Variants in PTPRM observed in about 807,000 individuals in gnomAD.
The protein encoded by PTPRM is protein tyrosine phosphatase receptor type M.
A neutral mutation model predicts 186.7 loss-of-function variants in PTPRM; 47 were observed. The ratio of observed to expected loss-of-function variants is 0.25; its 90% CI spans 0.20 to 0.32. PTPRM has a LOEUF of 0.32. PTPRM is among the 10% of genes least tolerant of loss of function. PTPRM has a pLI of 1.00. For missense variants in PTPRM, 1,494 were observed against 1,865.0 expected, an observed-to-expected ratio of 0.80 and a Z score of 3.66; for synonymous variants, 668 against 674.9, an observed-to-expected ratio of 0.99 and a Z score of 0.16.
intron 19 of PTPRM, among the ~76,000 whole-genome samples, chr18:8,266,236 T>C (rs2094698884): frequency 6.6e-6 from 1 of 152,132 alleles, no homozygotes; most frequent in South Asian, 2.1e-4. Flanking sequence ...AATGTGGTTA[T>C]GATTCCATGA....
At chr18:7,793,084 A>G (rs1281624231) in intron 2 of PTPRM, among the ~76,000 whole-genome samples, 1 of 152,250 alleles carries the variant, frequency 6.6e-6, no homozygotes, top group Non-Finnish European at 1.5e-5. Flanking sequence ...TGGATATTTC[A>G]ACTTGGAGAT....
intron 5 of PTPRM, chr18:7,946,927 G>A (rs1349065342): frequency 2.2e-6 from 1 of 456,254 alleles, no homozygotes; most frequent in Admixed American, 2.3e-5. Flanking sequence ...GCCTAGCCCA[G>A]CCCCTTCTTT....
intron 14 of PTPRM, among the ~76,000 whole-genome samples, chr18:8,192,445 A>G (rs2093721619): frequency 6.6e-6 from 1 of 152,216 alleles, no homozygotes; most frequent in Non-Finnish European, 1.5e-5. Context: ...GGTTGTACTC[A>G]AAGACTAATG....
chr18:8,056,600 C>T (rs1188676458), intron 7 of PTPRM, among the ~76,000 whole-genome samples: 6 of 149,680 alleles, frequency 4.0e-5, no homozygotes, highest in Admixed American at 6.7e-5. Flanking sequence ...CCAGCCTGGG[C>T]GAAAGAGTGA....
At chr18:8,047,381 GAAGA>G (rs1181141466) in intron 7 of PTPRM, among the ~76,000 whole-genome samples, 1 of 152,156 alleles carries the variant, frequency 6.6e-6, no homozygotes, top group East Asian at 1.9e-4. Flanking sequence ...TAAGTTTAAT[GAAGA>G]ATTAGCTATA....
rs569972702 is a variant in PTPRM, at chr18:8,304,376, A to T, written c.2842+7921A>T. 2.0e-5 allele frequency among the ~76,000 whole-genome samples: 3 copies of T among 152,284 alleles called. No individual in the cohort carries two copies. In the East Asian group the frequency reaches 5.8e-4, roughly 29 times the overall value. ...TGCATGCCTATGTACACGGGGGGAA[A>T]ACCTCAGCGGATTATAATTCTTCAA... On this transcript the variant is annotated intron_variant, in intron 20 of 32. Coordinates refer to ENST00000580170, the MANE Select transcript of PTPRM (RefSeq NM_001105244.2).
chr18:7,896,572 GC>G (rs1340123957), intron 3 of PTPRM, among the ~76,000 whole-genome samples: 1 of 152,130 alleles, frequency 6.6e-6, no homozygotes, highest in African/African-American at 2.4e-5. Flanking sequence ...AAGAAGTGGG[GC>G]TGGGGAGGGT....
Position 7,756,530 on chromosome 18 carries a change from G to T in PTPRM, c.74-17619G>T, listed in dbSNP as rs577110623. On this transcript the variant is annotated intron_variant, in intron 1 of 32. Coordinates refer to ENST00000580170, the MANE Select transcript of PTPRM (RefSeq NM_001105244.2). ...ATAAGTCTGTAAAGGATCTCCAGTG[G>T]TGTTGAGATGTCAGTGCTGTTTGGC... is the stretch of plus-strand genomic sequence containing the variant. Among the ~76,000 whole-genome samples, 16 of 152,300 alleles carry T rather than the reference G, an allele frequency of 1.1e-4. No homozygotes were observed. The South Asian group carries it at 3.3e-3, about 32-fold the overall frequency.
intron 14 of PTPRM, among the ~76,000 whole-genome samples, chr18:8,202,618 C>T (rs938919325): frequency 1.3e-5 from 2 of 151,620 alleles, no homozygotes; most frequent in African/African-American, 4.9e-5. Flanking sequence ...AAGAAATTGG[C>T]AGGTTTCTCA....
Position 8,076,463 on chromosome 18 carries a change from G to C in PTPRM, c.1450G>C (p.Ala484Pro). ...CTCCCACCCTCCTTTAGTCCCAGGT[G>C]CTGTTCCCACTGAATCCATACAAGG... The part of the protein sequence containing the change: ...IVQTDEDLPG[A>P]VPTESIQGST... Residue 484 changes from alanine to proline, a missense_variant, in exon 9 of 33, where the codon GCT becomes CCT. Physicochemically the swap from Ala to Pro is conservative, Grantham distance 27 (BLOSUM62 -1). Around this residue, in one of 3 missense-constraint regions of PTPRM, gnomAD observed 1,107 missense variants for 1,350.2 expected, o/e 0.82. Coordinates refer to ENST00000580170, the MANE Select transcript of PTPRM (RefSeq NM_001105244.2). The C allele has an allele frequency of 1.3e-6, 2 of 1,594,160 alleles. No individual in the cohort carries two copies. Among genetic ancestry groups the C allele is most frequent in the Non-Finnish European group, 1.7e-6 (2 of 1,163,842 alleles).
intron 1 of PTPRM, among the ~76,000 whole-genome samples, chr18:7,746,048 A>C (rs561160126): frequency 1.3e-5 from 2 of 152,318 alleles, no homozygotes; most frequent in African/African-American, 4.8e-5. Flanking sequence ...CCAGAAAAAG[A>C]GGAGAGAATA....
intron 1 of PTPRM, among the ~76,000 whole-genome samples, chr18:7,600,995 A>G (rs936548324): frequency 3.9e-5 from 6 of 152,174 alleles, no homozygotes; most frequent in Admixed American, 3.3e-4. Flanking sequence ...ACAATTCTCC[A>G]AAGGCTGACC....
chr18:8,363,538 T>C (rs1387925224), intron 23 of PTPRM, among the ~76,000 whole-genome samples: 1 of 152,212 alleles, frequency 6.6e-6, no homozygotes, highest in Non-Finnish European at 1.5e-5. Flanking sequence ...GCTCAAAAGA[T>C]TTCTGAAGTT....
intron 19 of PTPRM, among the ~76,000 whole-genome samples, chr18:8,291,853 CAAAAAA>C (rs59979399): frequency 9.3e-6 from 1 of 107,732 alleles, no homozygotes; most frequent in African/African-American, 3.5e-5. Context: ...CATGGTCTTC[CAAAAAA>C]AAAAAAAAAG....
intron 1 of PTPRM, among the ~76,000 whole-genome samples, chr18:7,616,667 C>T (rs865774638): frequency 2.4e-4 from 36 of 152,194 alleles, no homozygotes; most frequent in Admixed American, 1.9e-3. Flanking sequence ...TCCTCTTTGT[C>T]TCCCATCCCT....
At chr18:8,048,605 A>G (rs984145224) in intron 7 of PTPRM, among the ~76,000 whole-genome samples, 60 of 152,178 alleles carry the variant, frequency 3.9e-4, no homozygotes, top group African/African-American at 1.4e-3. Context: ...AAAAGTTGGT[A>G]GTGAAAACAC....
intron 7 of PTPRM, among the ~76,000 whole-genome samples, chr18:7,966,546 G>A (rs1047443445): frequency 2.7e-5 from 4 of 150,196 alleles, no homozygotes; most frequent in South Asian, 2.1e-4. Flanking sequence ...CTGAGGTACC[G>A]GGTTCATCTC....
intron 9 of PTPRM, 142 bp from the exon 10 acceptor site, chr18:8,085,520 ATCCCTTCAG>A (rs1265605478): frequency 1.5e-6 from 1 of 682,682 alleles, no homozygotes; most frequent in African/African-American, 1.8e-5. Context: ...GAGTTCCTTC[ATCCCTTCAG>A]TGGATTCAGG....
intron 7 of PTPRM, among the ~76,000 whole-genome samples, chr18:8,054,578 C>T (rs965403076): frequency 2.0e-5 from 3 of 151,802 alleles, no homozygotes; most frequent in Non-Finnish European, 4.4e-5. Flanking sequence ...CTTAAACTTC[C>T]CTTCCCAGTG....
Sources: allele counts gnomAD v4.1 joint callset (sites outside exome capture counted in the v4.1 genomes callset), GRCh38; gene constraint gnomAD v4.1.1; regional missense constraint gnomAD v4.1.1; transcripts MANE v1.5; gene names NCBI Gene and HGNC (gene_info 2026-07-23, HGNC 2026-07-21).